Variants in TENM3 observed in about 807,000 individuals in gnomAD.
TENM3 encodes teneurin transmembrane protein 3, also known as teneurin-3.
In TENM3, 63 loss-of-function variants were observed where a neutral mutation model predicts 255.1. The observed-to-expected ratio is 0.25, with a 90% confidence interval of 0.20 to 0.30. TENM3 has a LOEUF of 0.30. TENM3 is among the 10% of genes least tolerant of loss of function. The probability of loss-of-function intolerance (pLI) is 1.00; values close to 1 mark genes in which losing one functional copy is unlikely to be tolerated. For missense variants in TENM3, 2,929 were observed against 3,461.1 expected (o/e 0.85, Z 3.86); for synonymous variants, 1,306 against 1,322.3 (o/e 0.99, Z 0.27).
chr4:181,448,219 T>A, the TENM3 span, among the ~76,000 whole-genome samples: 1 of 129,784 alleles, frequency 7.7e-6, no homozygotes, highest in Non-Finnish European at 1.5e-5. Flanking sequence ...CAGGCTGGAG[T>A]GCAGTGGCGC....
chr4:181,641,537 T>G, the TENM3 span, among the ~76,000 whole-genome samples: 1 of 101,018 alleles, frequency 9.9e-6, no homozygotes. Context: ...GGCTGCATAG[T>G]ATTCCATGGT....
the TENM3 span, among the ~76,000 whole-genome samples, chr4:181,806,029 A>G: frequency 6.6e-6 from 1 of 152,218 alleles, no homozygotes; most frequent in Non-Finnish European, 1.5e-5. Context: ...CTGCAGTATC[A>G]TTTTAGGGAA....
At chr4:181,818,763 C>A in the TENM3 span, among the ~76,000 whole-genome samples, 1 of 152,082 alleles carries the variant, frequency 6.6e-6, no homozygotes, top group Non-Finnish European at 1.5e-5. Flanking sequence ...GTGCCTGCCA[C>A]CATGCCCAGC....
chr4:181,789,778 G>T, the TENM3 span, among the ~76,000 whole-genome samples: 1 of 152,108 alleles, frequency 6.6e-6, no homozygotes, highest in African/African-American at 2.4e-5. Flanking sequence ...TGAACAGGAG[G>T]AGGAGGTGTG....
chr4:182,301,437 G>T (rs1231221554), intron 1 of TENM3, among the ~76,000 whole-genome samples: 2 of 152,114 alleles, frequency 1.3e-5, no homozygotes, highest in African/African-American at 2.4e-5. Context: ...GTACGGTTTT[G>T]ACAGGTAGCG....
At chr4:181,534,870 C>T in the TENM3 span, among the ~76,000 whole-genome samples, 3 of 152,120 alleles carry the variant, frequency 2.0e-5, no homozygotes, top group African/African-American at 4.8e-5. Context: ...TTGTAACTTC[C>T]GATTTTATAT....
chr4:182,730,464 G>A, intron 15 of TENM3, 145 bp downstream of exon 15: 1 of 876,700 alleles, frequency 1.1e-6, no homozygotes. Context: ...AGTACATATG[G>A]CAGAGATTTA....
intron 3 of TENM3, among the ~76,000 whole-genome samples, chr4:182,365,482 G>A (rs547163710): frequency 6.6e-6 from 1 of 152,284 alleles, no homozygotes; most frequent in South Asian, 2.1e-4. Flanking sequence ...TGGGGCACAG[G>A]CCCAATGTGT....
At chr4:181,878,503 G>A in the TENM3 span, among the ~76,000 whole-genome samples, 1 of 151,962 alleles carries the variant, frequency 6.6e-6, no homozygotes, top group Admixed American at 6.6e-5. Context: ...TGCTGTTTTG[G>A]TTATGATCTT....
At chr4:182,630,168 A>T (rs1751227788) in intron 5 of TENM3, among the ~76,000 whole-genome samples, 1 of 152,140 alleles carries the variant, frequency 6.6e-6, no homozygotes, top group Non-Finnish European at 1.5e-5. Flanking sequence ...TTTTAATCTA[A>T]GTTAACTTTC....
At chr4:182,743,111 T>C in intron 18 of TENM3, 59 bp from the exon 19 acceptor site, 1 of 1,519,220 alleles carries the variant, frequency 6.6e-7, no homozygotes, top group Non-Finnish European at 8.9e-7. Context: ...TGAACATGTT[T>C]GCTTTTCATC....
chr4:182,287,623 A>ATTTTTATTTTTATTTATTT (rs1399450509), intron 1 of TENM3, among the ~76,000 whole-genome samples: 70 of 144,226 alleles, frequency 4.9e-4, no homozygotes, highest in African/African-American at 2.0e-3. Flanking sequence ...TTATTTATTT[A>ATTTTTATTTTTATTTATTT]TTTTTTTTGA....
At chr4:182,281,538 G>C (rs1760384488) in intron 1 of TENM3, among the ~76,000 whole-genome samples, 1 of 151,710 alleles carries the variant, frequency 6.6e-6, no homozygotes, top group Admixed American at 6.6e-5. Context: ...GGTTTTTTTT[G>C]AGACAAAGGT....
intron 1 of TENM3, among the ~76,000 whole-genome samples, chr4:182,171,388 T>C (rs1197640679): frequency 6.6e-6 from 1 of 152,188 alleles, no homozygotes; most frequent in Admixed American, 6.5e-5. Flanking sequence ...TCTTTCTGTT[T>C]TTTTCTTGTA....
chr4:181,519,131 G>A, the TENM3 span, among the ~76,000 whole-genome samples: 1 of 152,148 alleles, frequency 6.6e-6, no homozygotes, highest in African/African-American at 2.4e-5. Context: ...ATCTGCAGCT[G>A]GGCAAGCACA....
the TENM3 span, among the ~76,000 whole-genome samples, chr4:181,793,779 G>T: frequency 6.6e-6 from 1 of 152,204 alleles, no homozygotes; most frequent in Non-Finnish European, 1.5e-5. Flanking sequence ...GTGCTTGCAT[G>T]AGTGTCTGAA....
intron 3 of TENM3, among the ~76,000 whole-genome samples, chr4:182,349,580 T>C (rs1305276335): frequency 6.6e-6 from 1 of 152,212 alleles, no homozygotes; most frequent in African/African-American, 2.4e-5. Context: ...AGCTGGGTTA[T>C]AGTAAGAAGT....
Position 182,731,217 on chromosome 4 carries a change from T to C in TENM3, c.2967+78T>C. 3 of 1,479,522 alleles carry C rather than the reference T, an allele frequency of 2.0e-6. No individual in the cohort carries two copies. The South Asian group carries it at 3.7e-5, about 18-fold the overall frequency. 91.6% of individuals were successfully genotyped at this position (1,479,522 alleles called of 1,614,324 possible). ...TTTGCCAGAGAATCTTAAAAATAGG[T>C]TATAGAGTCCGGGCACGGTGGCTCA... is the stretch of plus-strand genomic sequence containing the variant. On this transcript the variant is annotated intron_variant, in intron 16 of 27. Transcript: ENST00000511685.
the TENM3 span, among the ~76,000 whole-genome samples, chr4:182,059,018 C>T: frequency 2.0e-5 from 3 of 146,734 alleles, no homozygotes; most frequent in African/African-American, 7.6e-5. Context: ...AGAAAGAGAT[C>T]AGAAATTGTA....
Sources: allele counts gnomAD v4.1 joint callset (sites outside exome capture counted in the v4.1 genomes callset), GRCh38; gene constraint gnomAD v4.1.1; transcripts MANE v1.5; gene names NCBI Gene and HGNC (gene_info 2026-07-23, HGNC 2026-07-21).